The following MCTP2 variants were observed in gnomAD, a reference collection of about 807,000 sequenced individuals.
MCTP2 encodes multiple C2 and transmembrane domain containing 2.
Under a neutral mutation model 111.6 loss-of-function variants are expected in MCTP2, and 132 were observed. That is an observed-to-expected ratio of 1.18 (90% confidence interval 1.03 to 1.37). MCTP2 has a LOEUF of 1.37. Ranked by LOEUF, MCTP2 falls within the 40% of genes most tolerant of loss-of-function variation. MCTP2 has a pLI of 0.00. For synonymous variants in MCTP2, 395 were observed against 387.7 expected (o/e 1.02, Z -0.22); for missense variants, 1,183 against 1,067.9 (o/e 1.11, Z -1.50).
intron 4 of MCTP2, among the ~76,000 whole-genome samples, chr15:94,336,158 C>T (rs2077349562): frequency 6.6e-6 from 1 of 152,138 alleles, no homozygotes; most frequent in Non-Finnish European, 1.5e-5. Flanking sequence ...AATGCATGCT[C>T]GGCACCACAC....
intron 1 of MCTP2, among the ~76,000 whole-genome samples, chr15:94,279,136 T>G (rs1395597528): frequency 2.6e-5 from 4 of 152,202 alleles, no homozygotes; most frequent in Non-Finnish European, 4.4e-5. Flanking sequence ...TAGAATAGTT[T>G]TTTTTCTAAA....
intron 2 of MCTP2, among the ~76,000 whole-genome samples, chr15:94,305,501 A>G (rs2075838187): frequency 6.6e-6 from 1 of 152,126 alleles, no homozygotes; most frequent in Non-Finnish European, 1.5e-5. Flanking sequence ...ATATATATGT[A>G]TGGGAGTGTA....
At chr15:94,455,573 G>A (rs757791807) in intron 19 of MCTP2, among the ~76,000 whole-genome samples, 5 of 152,014 alleles carry the variant, frequency 3.3e-5, no homozygotes, top group East Asian at 1.9e-4. Context: ...CTGCAAGCAC[G>A]CGCCACCATG....
At chr15:94,259,781 C>G (rs972172373) in intron 1 of MCTP2, among the ~76,000 whole-genome samples, 40 of 152,166 alleles carry the variant, frequency 2.6e-4, no homozygotes, top group Admixed American at 7.2e-4. Context: ...AAGGATACTG[C>G]TTTTTGATGG....
intron 4 of MCTP2, among the ~76,000 whole-genome samples, chr15:94,327,564 T>C (rs1871659381): frequency 6.6e-6 from 1 of 152,236 alleles, no homozygotes; most frequent in African/African-American, 2.4e-5. Flanking sequence ...ATGAGATCAT[T>C]GGCCACATCT....
At chr15:94,348,707 C>T (rs879515090) in intron 8 of MCTP2, among the ~76,000 whole-genome samples, 23 of 151,278 alleles carry the variant, frequency 1.5e-4, no homozygotes, top group Admixed American at 3.9e-4. Flanking sequence ...GGAAGTAGTA[C>T]AAGTAAAACC....
chr15:94,245,700 A>T (rs1383151773), intron 1 of MCTP2, among the ~76,000 whole-genome samples: 1 of 142,890 alleles, frequency 7.0e-6, no homozygotes, highest in Non-Finnish European at 1.5e-5. Context: ...ATATATAAAT[A>T]TATGTGTGTG....
In MCTP2 at chr15:94,458,173, A is replaced by G; in HGVS notation, c.2287A>G (p.Met763Val). 6.2e-7 allele frequency: 1 copy of G among 1,612,036 alleles called. No individual in the cohort carries two copies. Among genetic ancestry groups the G allele is most frequent in the South Asian group, 1.1e-5 (1 of 91,018 alleles). ...EKKGLIERIY[M>V]VQDIVSTVQN... ...AAAGGGGTTGATTGAAAGAATCTAT[A>G]TGGTACAGGATATTGTTTCAACTGT... The change falls in exon 20 of 23, where the codon ATG becomes GTG. Residue 763 changes from methionine (M) to valine (V), a missense_variant. By Grantham distance (21) the Met-to-Val change is conservative (BLOSUM62 1). Coordinates refer to ENST00000357742, the MANE Select transcript of MCTP2 (RefSeq NM_001385001.1).
chr15:94,431,376 T>G (rs372270371), intron 17 of MCTP2, among the ~76,000 whole-genome samples: 1 of 152,202 alleles, frequency 6.6e-6, no homozygotes, highest in East Asian at 1.9e-4. Flanking sequence ...ACCTAGAATG[T>G]GTGGTGCAGT....
chr15:94,311,615 G>A (rs369352276), intron 2 of MCTP2, among the ~76,000 whole-genome samples: 3 of 152,018 alleles, frequency 2.0e-5, no homozygotes, highest in Non-Finnish European at 4.4e-5. Flanking sequence ...TCCTATCTTG[G>A]TGTTTATATA....
At chr15:94,476,653 C>A (rs7168030) in intron 21 of MCTP2, 43 bp from the exon 22 acceptor site, 2 of 848,582 alleles carry the variant, frequency 2.4e-6, no homozygotes, top group African/African-American at 2.1e-5. Context: ...GATAGATAGA[C>A]AGACAGACAG....
chr15:94,404,902 A>T (rs752242796), intron 17 of MCTP2, among the ~76,000 whole-genome samples: 42 of 152,162 alleles, frequency 2.8e-4, no homozygotes, highest in Non-Finnish European at 1.5e-5. Flanking sequence ...GGTGACACAC[A>T]CTGACGGATG....
chr15:94,325,805 C>T (rs1481677313), intron 4 of MCTP2, among the ~76,000 whole-genome samples: 4 of 121,104 alleles, frequency 3.3e-5, no homozygotes, highest in Non-Finnish European at 6.6e-5. Context: ...TCTACTCCAT[C>T]GCTCCGATTT....
intron 17 of MCTP2, among the ~76,000 whole-genome samples, chr15:94,430,793 G>A (rs897881634): frequency 6.6e-6 from 1 of 151,766 alleles, no homozygotes; most frequent in Non-Finnish European, 1.5e-5. Context: ...CTGGAAGAAG[G>A]CATACTCCCG....
intron 4 of MCTP2, among the ~76,000 whole-genome samples, chr15:94,325,035 C>T (rs1325141656): frequency 6.6e-6 from 1 of 152,156 alleles, no homozygotes; most frequent in Admixed American, 6.5e-5. Context: ...CTGGGCACCT[C>T]TGTTAGGCTT....
At chr15:94,412,753 A>G (rs1289433630) in intron 17 of MCTP2, among the ~76,000 whole-genome samples, 1 of 152,128 alleles carries the variant, frequency 6.6e-6, no homozygotes, top group African/African-American at 2.4e-5. Context: ...ACATGCAATT[A>G]TAAACATTTT....
At chr15:94,271,992 G>A (rs2073929590) in intron 1 of MCTP2, among the ~76,000 whole-genome samples, 1 of 152,190 alleles carries the variant, frequency 6.6e-6, no homozygotes, top group African/African-American at 2.4e-5. Context: ...ATGTTCTAAA[G>A]ATAGTTCAGG....
chr15:94,319,194 A>C (rs1567411491), intron 4 of MCTP2, among the ~76,000 whole-genome samples: 3 of 152,168 alleles, frequency 2.0e-5, no homozygotes, highest in African/African-American at 7.2e-5. Flanking sequence ...AAGTATTAAG[A>C]TGAAGGTATG....
chr15:94,425,644 C>CT (rs2082849445), intron 17 of MCTP2, among the ~76,000 whole-genome samples: 1 of 152,062 alleles, frequency 6.6e-6, no homozygotes, highest in African/African-American at 2.4e-5. Flanking sequence ...ACTGATTATT[C>CT]TTTTCTCAGC....
Sources: gnomAD v4.1 joint callset for allele counts (sites outside exome capture counted in the v4.1 genomes callset) on GRCh38, gnomAD v4.1.1 for gene constraint, MANE v1.5 for transcripts, NCBI Gene and HGNC (gene_info 2026-07-23, HGNC 2026-07-21) for gene names.